Variants in DNER observed in about 807,000 individuals in gnomAD.
The protein encoded by DNER is delta/notch like EGF repeat containing, also known as delta and Notch-like epidermal growth factor-related receptor.
A neutral mutation model predicts 78.2 loss-of-function variants in DNER; 33 were observed. The ratio of observed to expected loss-of-function variants is 0.42; its 90% CI spans 0.32 to 0.56. DNER has a LOEUF of 0.56. Ranked by LOEUF, DNER falls within the 20% of genes least tolerant of loss-of-function variation. The pLI, the probability that DNER is intolerant of heterozygous loss-of-function variation, is 0.11. For synonymous variants in DNER, 417 were observed against 384.8 expected (o/e 1.08, Z -0.98); for missense variants, 918 against 975.3 (o/e 0.94, Z 0.78).
chr2:229,552,942 G>C (rs529692692), intron 4 of DNER, among the ~76,000 whole-genome samples: 2 of 152,224 alleles, frequency 1.3e-5, no homozygotes, highest in Non-Finnish European at 2.9e-5. Context: ...TTGCGACAAG[G>C]CCACCTGGAT....
At chr2:229,667,334 T>A (rs1270110811) in intron 1 of DNER, among the ~76,000 whole-genome samples, 3 of 152,152 alleles carry the variant, frequency 2.0e-5, no homozygotes, top group African/African-American at 7.2e-5. Flanking sequence ...CAAAATAGCA[T>A]TTTGATTTAC....
At chr2:229,673,149 G>A (rs575069180) in intron 1 of DNER, among the ~76,000 whole-genome samples, 26 of 152,320 alleles carry the variant, frequency 1.7e-4, no homozygotes, top group Admixed American at 5.2e-4. Context: ...GGATGGTAAC[G>A]TGATGTGAAA....
At chr2:229,368,768 A>T (rs950760401) in intron 11 of DNER, among the ~76,000 whole-genome samples, 2 of 152,232 alleles carry the variant, frequency 1.3e-5, no homozygotes, top group African/African-American at 4.8e-5. Context: ...TAGAGAACTG[A>T]CATCACTTGG....
intron 6 of DNER, among the ~76,000 whole-genome samples, chr2:229,490,576 G>A (rs564994808): frequency 2.0e-5 from 3 of 152,184 alleles, no homozygotes; most frequent in Admixed American, 1.3e-4. Context: ...GAGCTGGGGG[G>A]TGGGGAGGAT....
At chr2:229,615,018 G>A (rs756879028) in intron 1 of DNER, among the ~76,000 whole-genome samples, 2 of 152,138 alleles carry the variant, frequency 1.3e-5, no homozygotes, top group East Asian at 1.9e-4. Context: ...AAGGGTAAAT[G>A]GGAATTTACA....
At chr2:229,511,429 G>A (rs1036945318) in intron 6 of DNER, among the ~76,000 whole-genome samples, 3 of 152,142 alleles carry the variant, frequency 2.0e-5, no homozygotes, top group African/African-American at 4.8e-5. Context: ...TAAGATGATT[G>A]TCAGAGCATG....
At chr2:229,672,188 G>A (rs1341379051) in intron 1 of DNER, among the ~76,000 whole-genome samples, 3 of 152,162 alleles carry the variant, frequency 2.0e-5, no homozygotes, top group African/African-American at 7.2e-5. Flanking sequence ...CAGCACGGCG[G>A]CCAAGGCTGG....
At chr2:229,655,477 A>G (rs541313477) in intron 1 of DNER, among the ~76,000 whole-genome samples, 3 of 152,298 alleles carry the variant, frequency 2.0e-5, no homozygotes, top group South Asian at 4.1e-4. Flanking sequence ...TCACAAGCCT[A>G]AGATCCAGGA....
chr2:229,365,534 T>C (rs7564014), intron 12 of DNER, among the ~76,000 whole-genome samples: 58,674 of 151,888 alleles, frequency 0.39, 12,168 homozygotes, highest in Non-Finnish European at 0.45. Flanking sequence ...ATTCCCAGGT[T>C]CAAGCGATTC....
At chr2:229,511,669 T>G (rs540924988) in intron 6 of DNER, among the ~76,000 whole-genome samples, 1 of 152,258 alleles carries the variant, frequency 6.6e-6, no homozygotes, top group South Asian at 2.1e-4. Flanking sequence ...TTATCCTGGG[T>G]TTTTCTTCAG....
intron 4 of DNER, among the ~76,000 whole-genome samples, chr2:229,556,078 G>C (rs986564111): frequency 6.6e-5 from 10 of 152,144 alleles, no homozygotes; most frequent in African/African-American, 2.4e-4. Context: ...CCAATGATTA[G>C]TTTTAAAGTC....
intron 1 of DNER, among the ~76,000 whole-genome samples, chr2:229,669,542 T>G (rs1699172221): frequency 6.6e-6 from 1 of 152,188 alleles, no homozygotes; most frequent in Non-Finnish European, 1.5e-5. Flanking sequence ...TTCCTAACCA[T>G]GAGCATGGAA....
intron 8 of DNER, among the ~76,000 whole-genome samples, chr2:229,435,107 G>A (rs973055324): frequency 5.3e-5 from 8 of 152,082 alleles, no homozygotes; most frequent in African/African-American, 1.9e-4. Flanking sequence ...TCATGCCACT[G>A]GGACATTGGC....
intron 1 of DNER, among the ~76,000 whole-genome samples, chr2:229,605,887 G>A (rs758754351): frequency 9.2e-5 from 14 of 152,084 alleles, no homozygotes; most frequent in Non-Finnish European, 1.9e-4. Flanking sequence ...GCAAGACCCT[G>A]TCTCAAAAAC....
chr2:229,635,974 GT>G (rs113798592), intron 1 of DNER, among the ~76,000 whole-genome samples: 6,852 of 151,714 alleles, frequency 0.045, 197 homozygotes, highest in Middle Eastern at 0.072. Flanking sequence ...TTTAGTTGAC[GT>G]TTTACAGAGT....
intron 5 of DNER, among the ~76,000 whole-genome samples, chr2:229,535,531 C>A (rs116983434): frequency 2.6e-5 from 4 of 152,078 alleles, no homozygotes; most frequent in African/African-American, 7.2e-5. Context: ...ACTGGTGCTT[C>A]GAAAAAGTGC....
chr2:229,381,409 G>A (rs1692733690), intron 11 of DNER, among the ~76,000 whole-genome samples: 1 of 152,060 alleles, frequency 6.6e-6, no homozygotes, highest in Non-Finnish European at 1.5e-5. Context: ...AGTGGCTCCT[G>A]GAACACCAGT....
chr2:229,673,705 G>C (rs768092131), intron 1 of DNER, among the ~76,000 whole-genome samples: 1 of 152,152 alleles, frequency 6.6e-6, no homozygotes, highest in Non-Finnish European at 1.5e-5. Context: ...AAAGAAAACC[G>C]AGGCACCAAT....
At position 229,591,675 on chromosome 2, in the gene DNER, TG is replaced by T; in HGVS notation, c.489del (p.Asp163GlufsTer11). 1 of 1,614,220 alleles carries T rather than the reference TG, an allele frequency of 6.2e-7. No homozygotes were observed. Among genetic ancestry groups the T allele is most frequent in the East Asian group, 2.2e-5 (1 of 44,870 alleles). On this transcript the variant is annotated frameshift_variant, in exon 2 of 13. Transcript: ENST00000341772. LOFTEE classifies it high-confidence loss of function. This position sits in a 1 kb window ranked among gnomAD's most constrained non-coding sequence, Gnocchi z 4.6. ...LQPVPATQEP[D>X]KILPRSQATV... ...GTTGCCTGAGAGCGAGGCAGGATTT[TG>T]TCAGGCTCCTGAGTAGCAGGAACAG...
Sources: gnomAD v4.1 joint callset for allele counts (sites outside exome capture counted in the v4.1 genomes callset) on GRCh38, gnomAD v4.1.1 for gene constraint, Gnocchi (gnomAD v3.1) non-coding constraint, MANE v1.5 for transcripts, NCBI Gene and HGNC (gene_info 2026-07-23, HGNC 2026-07-21) for gene names.